NOS1AP: variants seen among roughly 807,000 people sequenced by gnomAD.
NOS1AP encodes nitric oxide synthase 1 adaptor protein, also known as carboxyl-terminal PDZ ligand of neuronal nitric oxide synthase protein.
Under a neutral mutation model 56.2 loss-of-function variants are expected in NOS1AP, and 21 were observed. The observed-to-expected ratio is 0.37, with a 90% CI of 0.26 to 0.54. The LOEUF is 0.54. Among genes scored for constraint, NOS1AP ranks in the 20% least tolerant of loss-of-function variants. The pLI is 0.84. For synonymous variants in NOS1AP, 270 were observed against 274.6 expected, an observed-to-expected ratio of 0.98 and a Z score of 0.17; for missense variants, 522 against 657.8, an observed-to-expected ratio of 0.79 and a Z score of 2.26.
intron 2 of NOS1AP, among the ~76,000 whole-genome samples, chr1:162,277,453 T>G (rs1205644483): frequency 6.6e-6 from 1 of 152,232 alleles, no homozygotes; most frequent in Non-Finnish European, 1.5e-5. Context: ...GGCCATCAGT[T>G]CTGCCTACTG....
intron 1 of NOS1AP, among the ~76,000 whole-genome samples, chr1:162,071,847 G>T (rs1490948696): frequency 1.3e-5 from 2 of 152,108 alleles, no homozygotes; most frequent in African/African-American, 4.8e-5. Context: ...GTTTTGTTTG[G>T]TTCAGCAGTA....
intron 1 of NOS1AP, among the ~76,000 whole-genome samples, chr1:162,071,773 T>A (rs1275319303): frequency 6.6e-6 from 1 of 152,212 alleles, no homozygotes; most frequent in Non-Finnish European, 1.5e-5. Flanking sequence ...TTTTAAAGTA[T>A]GAGTTTTCAT....
chr1:162,260,469 T>C (rs1329516179), intron 2 of NOS1AP, among the ~76,000 whole-genome samples: 1 of 152,226 alleles, frequency 6.6e-6, no homozygotes, highest in African/African-American at 2.4e-5. Flanking sequence ...TTGTAACGCA[T>C]GTAATATACA....
intron 6 of NOS1AP, among the ~76,000 whole-genome samples, 168 bp downstream of exon 6, chr1:162,344,144 A>C (rs1388111665): frequency 1.3e-5 from 2 of 152,246 alleles, no homozygotes; most frequent in Admixed American, 1.3e-4. Flanking sequence ...TATTACTTTT[A>C]TAACAGAAAT....
intron 1 of NOS1AP, among the ~76,000 whole-genome samples, chr1:162,101,815 G>A (rs1647283211): frequency 6.6e-6 from 1 of 152,108 alleles, no homozygotes; most frequent in Admixed American, 6.5e-5. Context: ...TGCTGAAGTT[G>A]CTTATCAACT....
intron 2 of NOS1AP, among the ~76,000 whole-genome samples, chr1:162,209,592 C>G (rs1032390243): frequency 6.6e-6 from 1 of 152,122 alleles, no homozygotes; most frequent in African/African-American, 2.4e-5. Context: ...TTTATGATAC[C>G]TTCTACCACT....
chr1:162,287,166 C>G (rs1655115107), intron 2 of NOS1AP, among the ~76,000 whole-genome samples, 178 bp from the exon 3 acceptor site: 1 of 152,096 alleles, frequency 6.6e-6, no homozygotes, highest in Admixed American at 6.5e-5. Context: ...CGTTTCTAAC[C>G]CAGAGATTGC....
chr1:162,123,495 C>T (rs1250787566), intron 1 of NOS1AP, among the ~76,000 whole-genome samples: 2 of 152,180 alleles, frequency 1.3e-5, no homozygotes, highest in Non-Finnish European at 2.9e-5. Flanking sequence ...TACCTGTGTC[C>T]TCTTTCACCC....
intron 1 of NOS1AP, among the ~76,000 whole-genome samples, chr1:162,150,342 T>A (rs980350323): frequency 1.3e-5 from 2 of 152,224 alleles, no homozygotes; most frequent in Non-Finnish European, 2.9e-5. Context: ...TCCATTTTAC[T>A]GCATTTTCTT....
intron 1 of NOS1AP, among the ~76,000 whole-genome samples, chr1:162,074,618 A>G (rs1691731670): frequency 6.6e-6 from 1 of 152,176 alleles, no homozygotes; most frequent in Non-Finnish European, 1.5e-5. Context: ...CATCACTTCA[A>G]AACAAACGAC....
chr1:162,341,275 G>A (rs952533115), intron 5 of NOS1AP, among the ~76,000 whole-genome samples: 9 of 152,150 alleles, frequency 5.9e-5, no homozygotes, highest in Admixed American at 6.6e-5. Context: ...GAAAACCTGA[G>A]ATGTTATAGG....
Position 162,300,340 on chromosome 1 carries a change from C to T in NOS1AP, c.271-293C>T, listed in dbSNP as rs144184748. The stretch of plus-strand genomic sequence containing the variant: ...CAAATGTACCAATTAACCTACCTAG[C>T]TTGTCTGGAGCTTCACATTACGTCC... On this transcript the variant is annotated intron_variant, in intron 3 of 9. Transcript: ENST00000361897. Among the ~76,000 whole-genome samples the T allele has an allele frequency of 4.2e-3, 647 of 152,292 alleles. 5 individuals are homozygous for T. The highest frequency in any genetic ancestry group is 7.1e-3 in the Admixed American group (109 of 15,302).
At chr1:162,272,544 C>T (rs1169950947) in intron 2 of NOS1AP, among the ~76,000 whole-genome samples, 1 of 152,164 alleles carries the variant, frequency 6.6e-6, no homozygotes, top group African/African-American at 2.4e-5. Flanking sequence ...GAACTGAATA[C>T]ACTAGATGTT....
chr1:162,260,400 A>T (rs1654167792), intron 2 of NOS1AP, among the ~76,000 whole-genome samples: 1 of 152,186 alleles, frequency 6.6e-6, no homozygotes, highest in Admixed American at 6.6e-5. Flanking sequence ...ATTTGTCTCT[A>T]GGGCTTGGTA....
At chr1:162,133,598 A>G (rs1648851310) in intron 1 of NOS1AP, among the ~76,000 whole-genome samples, 1 of 152,206 alleles carries the variant, frequency 6.6e-6, no homozygotes, top group Non-Finnish European at 1.5e-5. Flanking sequence ...TGATAGATGA[A>G]TCTGTTCAAT....
chr1:162,330,867 G>A (rs776631794), intron 4 of NOS1AP, among the ~76,000 whole-genome samples: 3 of 152,150 alleles, frequency 2.0e-5, no homozygotes, highest in African/African-American at 4.8e-5. Flanking sequence ...ATTAGGGAGC[G>A]AGTCTGCAAG....
chr1:162,091,033 T>C (rs987516499), intron 1 of NOS1AP, among the ~76,000 whole-genome samples: 2 of 90,988 alleles, frequency 2.2e-5, no homozygotes, highest in African/African-American at 7.4e-5. Flanking sequence ...TATTTCTAAC[T>C]GCACAGAGAA....
chr1:162,260,284 T>C (rs1478818866), intron 2 of NOS1AP, among the ~76,000 whole-genome samples: 2 of 152,198 alleles, frequency 1.3e-5, no homozygotes, highest in African/African-American at 4.8e-5. Flanking sequence ...ACATCCCTCC[T>C]TCACAGTTTG....
intron 8 of NOS1AP, among the ~76,000 whole-genome samples, chr1:162,361,685 T>C (rs1657908827): frequency 1.3e-5 from 2 of 152,214 alleles, no homozygotes; most frequent in Non-Finnish European, 2.9e-5. Context: ...GAGGTAAAAC[T>C]CTTATTTAAT....
Sources: allele counts gnomAD v4.1 joint callset (sites outside exome capture counted in the v4.1 genomes callset), GRCh38; gene constraint gnomAD v4.1.1; transcripts MANE v1.5; gene names NCBI Gene and HGNC (gene_info 2026-07-23, HGNC 2026-07-21).